The following SEMA3A variants were observed in gnomAD, a reference collection of about 807,000 sequenced individuals.
SEMA3A encodes semaphorin-3A.
SEMA3A carries 29 observed loss-of-function variants against 97.9 expected under a neutral mutation model. The observed-to-expected ratio is 0.30, with a 90% confidence interval of 0.22 to 0.40. SEMA3A has a LOEUF of 0.40. Among genes scored for constraint, SEMA3A ranks in the 10% least tolerant of loss-of-function variants. SEMA3A has a pLI of 1.00. For synonymous variants in SEMA3A, 321 were observed against 323.7 expected, an observed-to-expected ratio of 0.99 and a Z score of 0.09; for missense variants, 763 against 951.3, an observed-to-expected ratio of 0.80 and a Z score of 2.60.
chr7:83,966,976 G>T (rs2116271505), intron 15 of SEMA3A, among the ~76,000 whole-genome samples: 1 of 152,260 alleles, frequency 6.6e-6, no homozygotes, highest in Non-Finnish European at 1.5e-5. Context: ...CTCTCAAAGT[G>T]CTGGGATTAC....
At chr7:84,400,878 A>G (rs1401358726) in intron 1 of SEMA3A, among the ~76,000 whole-genome samples, 1 of 152,182 alleles carries the variant, frequency 6.6e-6, no homozygotes, top group Admixed American at 6.5e-5. Flanking sequence ...CCTCAAATCA[A>G]TATAGGTCAT....
intron 1 of SEMA3A, among the ~76,000 whole-genome samples, chr7:84,381,003 T>C (rs1050256925): frequency 9.9e-5 from 15 of 152,220 alleles, no homozygotes; most frequent in African/African-American, 3.6e-4. Flanking sequence ...CCTTTTGCCA[T>C]GTAAGGCAAC....
intron 3 of SEMA3A, among the ~76,000 whole-genome samples, chr7:84,256,698 CT>C (rs1799726714): frequency 6.6e-6 from 1 of 152,026 alleles, no homozygotes; most frequent in South Asian, 2.1e-4. Context: ...ACTCTGGTAA[CT>C]TTATCCCCTT....
intron 1 of SEMA3A, among the ~76,000 whole-genome samples, chr7:84,438,278 T>C (rs1018218098): frequency 3.3e-5 from 5 of 152,100 alleles, no homozygotes; most frequent in African/African-American, 1.2e-4. Flanking sequence ...TATGTATTTA[T>C]GTATGTGTGC....
At chr7:84,113,459 A>G (rs185801549) in intron 3 of SEMA3A, among the ~76,000 whole-genome samples, 20 of 152,314 alleles carry the variant, frequency 1.3e-4, no homozygotes, top group Middle Eastern at 3.4e-3. Flanking sequence ...AAAAGGAAAC[A>G]CACTTCACAC....
intron 3 of SEMA3A, among the ~76,000 whole-genome samples, 173 bp from the exon 4 acceptor site, chr7:84,110,762 T>C (rs1481172947): frequency 6.6e-6 from 1 of 152,106 alleles, no homozygotes; most frequent in Non-Finnish European, 1.5e-5. Context: ...GTTTTGCTTA[T>C]ATTATAATAT....
chr7:84,459,802 T>C (rs546260687), intron 1 of SEMA3A, among the ~76,000 whole-genome samples: 3 of 152,080 alleles, frequency 2.0e-5, no homozygotes, highest in African/African-American at 7.2e-5. Context: ...CCAAAGCGGG[T>C]GGGTGACTTG....
intron 3 of SEMA3A, among the ~76,000 whole-genome samples, chr7:84,258,023 C>T (rs1377235906): frequency 2.0e-5 from 3 of 152,126 alleles, no homozygotes; most frequent in African/African-American, 4.8e-5. Flanking sequence ...TAAGACAAGA[C>T]CGAACAATGT....
At chr7:84,093,775 A>G (rs895769019) in intron 4 of SEMA3A, among the ~76,000 whole-genome samples, 2 of 152,070 alleles carry the variant, frequency 1.3e-5, no homozygotes, top group Admixed American at 1.3e-4. Context: ...GGAGGGGAAC[A>G]ACACCCATTT....
intron 6 of SEMA3A, among the ~76,000 whole-genome samples, chr7:84,028,369 A>G (rs1213784678): frequency 1.3e-5 from 2 of 152,222 alleles, no homozygotes; most frequent in Non-Finnish European, 2.9e-5. Flanking sequence ...TGTAAATACA[A>G]TAATTATAAT....
chr7:84,296,068 A>G (rs975776685), intron 3 of SEMA3A, among the ~76,000 whole-genome samples: 1 of 152,208 alleles, frequency 6.6e-6, no homozygotes, highest in African/African-American at 2.4e-5. Flanking sequence ...GAGATAAAAC[A>G]GTACACAGAG....
intron 12 of SEMA3A, among the ~76,000 whole-genome samples, chr7:83,990,804 T>TG (rs1789888974): frequency 1.7e-5 from 1 of 59,742 alleles, no homozygotes; most frequent in Non-Finnish European, 3.9e-5. Flanking sequence ...CGACGCAGGC[T>TG]CTTTTTTGGT....
chr7:84,361,315 CTT>C (rs941831195), intron 2 of SEMA3A, among the ~76,000 whole-genome samples: 33 of 151,698 alleles, frequency 2.2e-4, no homozygotes, highest in Admixed American at 4.6e-4. Context: ...ATTTGTAAGA[CTT>C]ATATTGAATG....
intron 2 of SEMA3A, among the ~76,000 whole-genome samples, chr7:84,370,041 G>A (rs548293931): frequency 5.3e-5 from 8 of 151,284 alleles, no homozygotes; most frequent in Non-Finnish European, 1.0e-4. Context: ...TTGGAATTGT[G>A]GATTGAATGA....
chr7:84,159,959 G>A (rs774919617), intron 1 of SEMA3A, among the ~76,000 whole-genome samples: 1 of 152,080 alleles, frequency 6.6e-6, no homozygotes, highest in Non-Finnish European at 1.5e-5. Flanking sequence ...AGAGTTACAC[G>A]ATGGAAGGCA....
chr7:84,343,109 A>G (rs1802211232), intron 2 of SEMA3A, among the ~76,000 whole-genome samples: 1 of 152,208 alleles, frequency 6.6e-6, no homozygotes, highest in South Asian at 2.1e-4. Context: ...CAAATGCTCA[A>G]ACTAAGAATT....
chr7:84,046,843 A>G (rs1019529964), intron 5 of SEMA3A, among the ~76,000 whole-genome samples: 1 of 152,084 alleles, frequency 6.6e-6, no homozygotes, highest in Non-Finnish European at 1.5e-5. Flanking sequence ...TAATATCCTT[A>G]TAACGTAGGG....
chr7:84,147,030 T>C (rs1375298915), intron 1 of SEMA3A, among the ~76,000 whole-genome samples: 1 of 152,208 alleles, frequency 6.6e-6, no homozygotes, highest in East Asian at 1.9e-4. Context: ...ACACAGCACA[T>C]GTTTCAGAGT....
At chr7:84,259,388 T>C (rs532898602) in intron 3 of SEMA3A, among the ~76,000 whole-genome samples, 36 of 152,240 alleles carry the variant, frequency 2.4e-4, no homozygotes, top group African/African-American at 8.7e-4. Flanking sequence ...CACTTCATTC[T>C]GAGAACAGAA....
Sources: allele counts gnomAD v4.1 joint callset (sites outside exome capture counted in the v4.1 genomes callset), GRCh38; gene constraint gnomAD v4.1.1; transcripts MANE v1.5; gene names NCBI Gene and HGNC (gene_info 2026-07-23, HGNC 2026-07-21).